Variants in PTPRD observed in about 807,000 individuals in gnomAD.
PTPRD encodes protein tyrosine phosphatase receptor type D.
A neutral mutation model predicts 214.5 loss-of-function variants in PTPRD; 34 were observed. That is an observed-to-expected ratio of 0.16 (90% confidence interval 0.12 to 0.21). The LOEUF is 0.21. Ranked by LOEUF, PTPRD falls within the 10% of genes least tolerant of loss-of-function variation. PTPRD has a pLI of 1.00. For missense variants in PTPRD, 2,545 were observed against 2,398.7 expected, an observed-to-expected ratio of 1.06 and a Z score of -1.27; for synonymous variants, 1,128 against 845.7, an observed-to-expected ratio of 1.33 and a Z score of -5.79.
chr9:9,028,878 TAC>T (rs2099595658), intron 10 of PTPRD, among the ~76,000 whole-genome samples: 2 of 151,754 alleles, frequency 1.3e-5, no homozygotes, highest in South Asian at 4.1e-4. Context: ...AGTATTTAAT[TAC>T]GATCGAAGGA....
intron 35 of PTPRD, among the ~76,000 whole-genome samples, chr9:8,426,801 T>G (rs1359116): frequency 0.23 from 34,568 of 150,426 alleles, 4,613 homozygotes; most frequent in Non-Finnish European, 0.3. Context: ...TCTGAGGTTT[T>G]TTTTTTTTTT....
intron 12 of PTPRD, 135 bp downstream of exon 12, chr9:8,733,645 G>T: frequency 1.1e-6 from 1 of 873,414 alleles, no homozygotes; most frequent in Non-Finnish European, 1.8e-6. Flanking sequence ...CTGGCTGGTA[G>T]CCAAGGAGGA....
At chr9:9,497,107 A>G (rs983545283) in intron 8 of PTPRD, among the ~76,000 whole-genome samples, 4 of 152,130 alleles carry the variant, frequency 2.6e-5, no homozygotes, top group African/African-American at 9.7e-5. Context: ...AGAATGGGGA[A>G]TCCTTGTTCA....
intron 9 of PTPRD, among the ~76,000 whole-genome samples, chr9:9,327,904 T>TA (rs35650113): frequency 0.21 from 29,936 of 142,700 alleles, 3,564 homozygotes; most frequent in East Asian, 0.37. Flanking sequence ...GTTGATGAGC[T>TA]AAAAAAAAAA....
chr9:10,580,252 T>A (rs2071240956), intron 2 of PTPRD, among the ~76,000 whole-genome samples: 1 of 152,204 alleles, frequency 6.6e-6, no homozygotes, highest in Non-Finnish European at 1.5e-5. Context: ...TATAAGCATT[T>A]CAGCACATCT....
intron 2 of PTPRD, among the ~76,000 whole-genome samples, chr9:10,348,905 G>T (rs1175478675): frequency 6.6e-6 from 1 of 151,930 alleles, no homozygotes; most frequent in African/African-American, 2.4e-5. Flanking sequence ...TAAACTCCTT[G>T]TGTGCCCCAA....
At chr9:9,418,009 C>G (rs2077484702) in intron 8 of PTPRD, among the ~76,000 whole-genome samples, 1 of 152,058 alleles carries the variant, frequency 6.6e-6, no homozygotes, top group African/African-American at 2.4e-5. Flanking sequence ...ACTCTCCACT[C>G]AAATTCTCTA....
At chr9:9,199,018 T>A (rs1364041771) in intron 9 of PTPRD, among the ~76,000 whole-genome samples, 1 of 152,154 alleles carries the variant, frequency 6.6e-6, no homozygotes, top group Non-Finnish European at 1.5e-5. Context: ...TAAATATTTA[T>A]ATAGTACCAA....
chr9:9,704,210 C>T (rs757118557), intron 7 of PTPRD, among the ~76,000 whole-genome samples: 6 of 152,078 alleles, frequency 3.9e-5, no homozygotes, highest in Non-Finnish European at 5.9e-5. Flanking sequence ...TACATTTTAA[C>T]GAACTATTGT....
At chr9:10,598,460 T>A (rs1046969461) in intron 2 of PTPRD, among the ~76,000 whole-genome samples, 2 of 151,694 alleles carry the variant, frequency 1.3e-5, no homozygotes, top group African/African-American at 4.8e-5. Context: ...CTATAAAATG[T>A]TATATGTTTA....
intron 12 of PTPRD, among the ~76,000 whole-genome samples, chr9:8,667,961 TA>T (rs1240457562): frequency 1.3e-5 from 2 of 151,936 alleles, no homozygotes; most frequent in Non-Finnish European, 2.9e-5. Flanking sequence ...ATAATAAAAA[TA>T]AAATAAAAAC....
intron 12 of PTPRD, chr9:8,713,483 C>G (rs946040352): frequency 4.4e-6 from 5 of 1,129,378 alleles, no homozygotes; most frequent in South Asian, 1.3e-5. Context: ...AAGAAGTCTT[C>G]AGGGGAGACT....
chr9:8,459,703 T>C (rs1366063379), intron 33 of PTPRD, among the ~76,000 whole-genome samples: 1 of 152,090 alleles, frequency 6.6e-6, no homozygotes, highest in Non-Finnish European at 1.5e-5. Flanking sequence ...CACAGATTAT[T>C]TGCATCCTAA....
intron 10 of PTPRD, among the ~76,000 whole-genome samples, chr9:9,139,515 A>G (rs2099856539): frequency 6.6e-6 from 1 of 152,166 alleles, no homozygotes; most frequent in African/African-American, 2.4e-5. Context: ...TAAAAGAAGC[A>G]TTACTTGAAC....
chr9:8,494,643 A>G (rs775474094), intron 26 of PTPRD, among the ~76,000 whole-genome samples: 7 of 152,220 alleles, frequency 4.6e-5, no homozygotes, highest in Non-Finnish European at 8.8e-5. Context: ...GCAAGAAATT[A>G]TGCACTCTGA....
intron 3 of PTPRD, among the ~76,000 whole-genome samples, chr9:10,327,325 A>C (rs1057248497): frequency 1.3e-5 from 2 of 151,440 alleles, no homozygotes; most frequent in Admixed American, 6.6e-5. Context: ...TTTATCTAAT[A>C]GAAACGACCA....
At chr9:9,392,931 C>T (rs1191667524) in intron 9 of PTPRD, among the ~76,000 whole-genome samples, 1 of 152,104 alleles carries the variant, frequency 6.6e-6, no homozygotes, top group Non-Finnish European at 1.5e-5. Context: ...CTCTGACCAA[C>T]CTGCACACTG....
intron 3 of PTPRD, among the ~76,000 whole-genome samples, chr9:10,323,069 C>A (rs2096579770): frequency 6.6e-6 from 1 of 152,018 alleles, no homozygotes; most frequent in Admixed American, 6.6e-5. Context: ...TCTAAACAAT[C>A]TATTTCAAAA....
At chr9:10,318,984 G>A (rs1345749636) in intron 3 of PTPRD, among the ~76,000 whole-genome samples, 1 of 152,036 alleles carries the variant, frequency 6.6e-6, no homozygotes, top group African/African-American at 2.4e-5. Context: ...ACATGTTGTT[G>A]CTGCTGCTGC....
Sources: allele counts gnomAD v4.1 joint callset (sites outside exome capture counted in the v4.1 genomes callset), GRCh38; gene constraint gnomAD v4.1.1; transcripts MANE v1.5; gene names NCBI Gene and HGNC (gene_info 2026-07-23, HGNC 2026-07-21).